The following TMEM117 variants were observed in gnomAD, a reference collection of about 807,000 sequenced individuals.
The protein encoded by TMEM117 is transmembrane protein 117.
A neutral mutation model predicts 52.4 loss-of-function variants in TMEM117; 27 were observed. That is an observed-to-expected ratio of 0.51 (90% CI 0.38 to 0.71). The LOEUF is 0.71. Ranked by LOEUF, TMEM117 falls within the 30% of genes least tolerant of loss-of-function variation. The pLI, the probability that TMEM117 is intolerant of heterozygous loss-of-function variation, is 0.00. For synonymous variants in TMEM117, 215 were observed against 206.3 expected (o/e 1.04, Z -0.36); for missense variants, 556 against 630.5 (o/e 0.88, Z 1.26).
chr12:44,344,941 T>A (rs541091330), intron 6 of TMEM117, among the ~76,000 whole-genome samples: 2 of 152,150 alleles, frequency 1.3e-5, no homozygotes, highest in Non-Finnish European at 2.9e-5. Context: ...CTCCTGCCCT[T>A]GCTATCATCT....
At chr12:44,064,144 G>C (rs539544657) in intron 3 of TMEM117, among the ~76,000 whole-genome samples, 1 of 152,204 alleles carries the variant, frequency 6.6e-6, no homozygotes, top group East Asian at 1.9e-4. Flanking sequence ...CCTAAAAAGA[G>C]AGATGATGAC....
chr12:44,076,249 G>C (rs1251744725), intron 3 of TMEM117, among the ~76,000 whole-genome samples: 1 of 152,144 alleles, frequency 6.6e-6, no homozygotes, highest in Non-Finnish European at 1.5e-5. Context: ...TTGGGTTATT[G>C]ATAACATTAA....
At chr12:44,335,545 C>A (rs1951329720) in intron 6 of TMEM117, among the ~76,000 whole-genome samples, 1 of 151,932 alleles carries the variant, frequency 6.6e-6, no homozygotes, top group African/African-American at 2.4e-5. Flanking sequence ...TAATTAATGG[C>A]AGAGCCAGAA....
chr12:44,160,125 C>G (rs1446929329), intron 4 of TMEM117, among the ~76,000 whole-genome samples: 1 of 152,066 alleles, frequency 6.6e-6, no homozygotes, highest in Non-Finnish European at 1.5e-5. Context: ...AAAATAAGTA[C>G]CGAGAATGTG....
chr12:44,106,346 C>T (rs11837611), intron 3 of TMEM117, among the ~76,000 whole-genome samples: 16,799 of 151,892 alleles, frequency 0.11, 2,503 homozygotes, highest in African/African-American at 0.34. Flanking sequence ...GAGTAACTTG[C>T]TTGAGGTCAA....
intron 3 of TMEM117, among the ~76,000 whole-genome samples, chr12:44,097,158 T>C (rs4556611): frequency 0.27 from 41,136 of 151,750 alleles, 10,157 homozygotes; most frequent in African/African-American, 0.66. Context: ...ATCAAAACCA[T>C]AATGAGACAC....
intron 3 of TMEM117, among the ~76,000 whole-genome samples, chr12:44,057,158 A>G (rs1418743465): frequency 6.6e-6 from 1 of 152,148 alleles, no homozygotes; most frequent in African/African-American, 2.4e-5. Flanking sequence ...ATGTTTTGTG[A>G]ACTTCAGCTC....
chr12:43,990,244 G>GA lies in TMEM117; in HGVS notation c.410+45907dup, dbSNP rs543835277. On this transcript the variant is annotated intron_variant, in intron 3 of 7. Transcript: ENST00000266534. ...CCATCTGCCTGCTTTCAACCCACGT[G>GA]AAAAATGTAGATGAGCACAGGAATT... 8.4e-3 allele frequency among the ~76,000 whole-genome samples: 1,286 copies of GA among 152,206 alleles called. 12 individuals carry two copies. Among genetic ancestry groups the GA allele is most frequent in the African/African-American group, 0.029 (1,222 of 41,540 alleles).
At chr12:44,260,282 C>T (rs1950305863) in intron 5 of TMEM117, among the ~76,000 whole-genome samples, 1 of 152,192 alleles carries the variant, frequency 6.6e-6, no homozygotes, top group South Asian at 2.1e-4. Context: ...TTGTGTCTTA[C>T]AGACTCACTT....
chr12:44,097,850 A>C (rs915257262), intron 3 of TMEM117, among the ~76,000 whole-genome samples: 21 of 151,974 alleles, frequency 1.4e-4, no homozygotes, highest in Non-Finnish European at 2.1e-4. Flanking sequence ...CCTAAAACTT[A>C]AAGTATAATA....
At chr12:44,306,408 G>T (rs978221965) in intron 6 of TMEM117, among the ~76,000 whole-genome samples, 1 of 152,026 alleles carries the variant, frequency 6.6e-6, no homozygotes, top group Non-Finnish European at 1.5e-5. Flanking sequence ...ATATATATGT[G>T]CAGGTGTGTG....
At chr12:44,149,279 A>T (rs994242169) in intron 4 of TMEM117, among the ~76,000 whole-genome samples, 2 of 152,242 alleles carry the variant, frequency 1.3e-5, no homozygotes, top group African/African-American at 4.8e-5. Context: ...GAGCAAGAAG[A>T]GATTACTACG....
intron 3 of TMEM117, among the ~76,000 whole-genome samples, chr12:43,959,498 A>G (rs377214135): frequency 6.6e-6 from 1 of 152,194 alleles, no homozygotes; most frequent in East Asian, 1.9e-4. Flanking sequence ...ACCATTTTCA[A>G]CACCTTCAGT....
chr12:43,902,348 G>A (rs1210979731), intron 2 of TMEM117, among the ~76,000 whole-genome samples: 1 of 152,164 alleles, frequency 6.6e-6, no homozygotes, highest in African/African-American at 2.4e-5. Context: ...AATGAGCAAG[G>A]GACCCAGTTA....
At chr12:43,945,000 A>G (rs1945106631) in intron 3 of TMEM117, among the ~76,000 whole-genome samples, 1 of 151,938 alleles carries the variant, frequency 6.6e-6, no homozygotes, top group Non-Finnish European at 1.5e-5. Flanking sequence ...GGTCCCAGCT[A>G]CTTGGGAGGC....
intron 3 of TMEM117, among the ~76,000 whole-genome samples, chr12:43,951,120 A>G (rs931299380): frequency 2.0e-5 from 3 of 152,176 alleles, no homozygotes; most frequent in African/African-American, 7.2e-5. Flanking sequence ...CACCAGGGTT[A>G]CTATGCTTTT....
intron 3 of TMEM117, among the ~76,000 whole-genome samples, chr12:43,989,393 A>G (rs1945900661): frequency 6.6e-6 from 1 of 152,046 alleles, no homozygotes; most frequent in African/African-American, 2.4e-5. Flanking sequence ...TGTATTTGAA[A>G]TTTAGTTTTG....
At chr12:43,942,614 C>A (rs1247813284) in intron 2 of TMEM117, among the ~76,000 whole-genome samples, 1 of 151,916 alleles carries the variant, frequency 6.6e-6, no homozygotes, top group East Asian at 1.9e-4. Flanking sequence ...AAATCTCCTC[C>A]CCGCTCTTTT....
At chr12:44,322,209 A>G (rs926595391) in intron 6 of TMEM117, among the ~76,000 whole-genome samples, 2 of 152,174 alleles carry the variant, frequency 1.3e-5, no homozygotes, top group Non-Finnish European at 2.9e-5. Flanking sequence ...ACTTCGTAGC[A>G]TGGCTCGGGT....
Sources: gnomAD v4.1 joint callset for allele counts (sites outside exome capture counted in the v4.1 genomes callset) on GRCh38, gnomAD v4.1.1 for gene constraint, MANE v1.5 for transcripts, NCBI Gene and HGNC (gene_info 2026-07-23, HGNC 2026-07-21) for gene names.